Variants in PCDHA8 observed in about 807,000 individuals in gnomAD.
PCDHA8 encodes protocadherin alpha-8.
A neutral mutation model predicts 61.8 loss-of-function variants in PCDHA8; 53 were observed. That is an observed-to-expected ratio of 0.86 (90% CI 0.69 to 1.08). The LOEUF is 1.08. Among genes scored for constraint, PCDHA8 ranks in the 50% least tolerant of loss-of-function variants. The pLI is 0.00. For synonymous variants in PCDHA8, 618 were observed against 556.6 expected (o/e 1.11, Z -1.55); for missense variants, 1,293 against 1,245.0 (o/e 1.04, Z -0.58).
intron 3 of PCDHA8, among the ~76,000 whole-genome samples, chr5:141,005,795 C>G (rs2098239997): frequency 8.0e-6 from 1 of 124,778 alleles, no homozygotes; most frequent in Admixed American, 8.1e-5. Context: ...GAGGCAAAAA[C>G]AACTCCAAGG....
chr5:140,997,781 C>T (rs1207024588), intron 3 of PCDHA8, among the ~76,000 whole-genome samples: 3 of 151,626 alleles, frequency 2.0e-5, no homozygotes, highest in African/African-American at 7.3e-5. Flanking sequence ...TGTTGTATAC[C>T]TATATTATAA....
chr5:140,933,677 T>C (rs1024721491), intron 1 of PCDHA8, among the ~76,000 whole-genome samples: 1 of 151,826 alleles, frequency 6.6e-6, no homozygotes, highest in Non-Finnish European at 1.5e-5. Flanking sequence ...CTCTCTCACA[T>C]TTTTTTTCCT....
intron 1 of PCDHA8, among the ~76,000 whole-genome samples, chr5:140,918,282 C>CT (rs1554198523): frequency 6.6e-6 from 1 of 152,016 alleles, no homozygotes; most frequent in African/African-American, 2.4e-5. Context: ...GATGTAGGAG[C>CT]TTTTTGGCAG....
chr5:140,969,613 T>C (rs2096347317), intron 1 of PCDHA8: 2 of 727,588 alleles, frequency 2.7e-6, no homozygotes, highest in African/African-American at 1.8e-5. Flanking sequence ...AAACACAGAT[T>C]TGTAGAGAAA....
intron 1 of PCDHA8, among the ~76,000 whole-genome samples, chr5:140,894,543 T>C (rs782418710): frequency 2.6e-5 from 4 of 152,088 alleles, no homozygotes; most frequent in Non-Finnish European, 4.4e-5. Flanking sequence ...TCTGGTTTAG[T>C]GTTTACTTCT....
At chr5:140,881,507 C>A in intron 1 of PCDHA8, 1 of 231,112 alleles carries the variant, frequency 4.3e-6, no homozygotes, top group Non-Finnish European at 7.1e-6. Context: ...CACACACTCA[C>A]ATACAAAATC....
At chr5:140,877,511 C>G in intron 1 of PCDHA8, 1 of 1,613,808 alleles carries the variant, frequency 6.2e-7, no homozygotes, top group South Asian at 1.1e-5. Context: ...AAGACGTCGT[C>G]GCGGGCCTCA....
At position 141,010,536 on chromosome 5, in the gene PCDHA8, T is replaced by A; in HGVS notation, c.*599T>A. On this transcript the variant is annotated 3_prime_UTR_variant, in exon 4 of 4. Transcript: ENST00000531613. ...AACTCAAGAGGTGGCAGCCACCCTC[T>A]AGGAGACAAAACTACCCCCACTGAC... 1 of 381,624 alleles carries A rather than the reference T, an allele frequency of 2.6e-6. No homozygotes were observed. The highest frequency in any genetic ancestry group is 4.6e-6 in the Non-Finnish European group (1 of 218,036). 23.6% of individuals were successfully genotyped at this position (381,624 alleles called of 1,614,324 possible).
At chr5:140,915,258 A>T (rs2077046977) in intron 1 of PCDHA8, among the ~76,000 whole-genome samples, 1 of 151,928 alleles carries the variant, frequency 6.6e-6, no homozygotes, top group South Asian at 2.1e-4. Context: ...GGTTGTTATT[A>T]TTTTTGACCA....
intron 1 of PCDHA8, among the ~76,000 whole-genome samples, chr5:140,936,910 G>A (rs1221304306): frequency 6.6e-6 from 1 of 152,062 alleles, no homozygotes; most frequent in African/African-American, 2.4e-5. Context: ...TATTGAATCT[G>A]TAGAAAATAT....
intron 1 of PCDHA8, chr5:140,852,198 T>G (rs2150513327): frequency 1.4e-6 from 1 of 691,814 alleles, no homozygotes; most frequent in Non-Finnish European, 1.8e-6. Context: ...CCAGTAACGT[T>G]TATTTAAAAC....
At chr5:140,882,768 C>CA in intron 1 of PCDHA8, 1 of 1,614,222 alleles carries the variant, frequency 6.2e-7, no homozygotes, top group Non-Finnish European at 8.5e-7. Flanking sequence ...GTAAACTCGG[C>CA]ATTGACCTAC....
At chr5:140,881,523 C>T in intron 1 of PCDHA8, 1 of 194,568 alleles carries the variant, frequency 5.1e-6, no homozygotes, top group Non-Finnish European at 9.4e-6. Context: ...AAATCCCACA[C>T]ATATTGACTG....
chr5:140,870,005 T>A lies in PCDHA8; in HGVS notation c.2394+26290T>A, dbSNP rs1006397532. 1 of 1,612,940 alleles carries A rather than the reference T, an allele frequency of 6.2e-7. No individual in the cohort carries two copies. The highest frequency in any genetic ancestry group is 1.7e-5 in the Admixed American group (1 of 59,888). The stretch of plus-strand genomic sequence containing the variant: ...ACACTAGATCAAAATAATGGAGAAG[T>A]GAGGGTCAATGGAACTTTAGATTAT... On this transcript the variant is annotated intron_variant, in intron 1 of 3. Coordinates refer to ENST00000531613, the MANE Select transcript of PCDHA8 (RefSeq NM_018911.3).
intron 1 of PCDHA8, among the ~76,000 whole-genome samples, chr5:140,949,544 T>C (rs981428881): frequency 5.3e-5 from 8 of 151,908 alleles, no homozygotes; most frequent in Non-Finnish European, 1.2e-4. Flanking sequence ...TATCGATTTG[T>C]TGCTGGTCAT....
chr5:140,852,181 G>A, intron 1 of PCDHA8: 3 of 755,216 alleles, frequency 4.0e-6, no homozygotes, highest in Non-Finnish European at 5.0e-6. Flanking sequence ...AAATAACTAT[G>A]AAAATGCCAG....
chr5:140,974,146 A>G (rs1208366709), intron 1 of PCDHA8, among the ~76,000 whole-genome samples: 1 of 152,260 alleles, frequency 6.6e-6, no homozygotes, highest in Non-Finnish European at 1.5e-5. Context: ...TGAAAACTAT[A>G]CAAGGGTTTT....
chr5:140,879,806 T>C (rs2058125905), intron 1 of PCDHA8, among the ~76,000 whole-genome samples: 1 of 152,250 alleles, frequency 6.6e-6, no homozygotes, highest in Non-Finnish European at 1.5e-5. Context: ...CCAGTTTCTA[T>C]TGGCTGTTGG....
intron 1 of PCDHA8, chr5:140,870,676 G>A (rs561705674): frequency 1.9e-6 from 3 of 1,612,702 alleles, no homozygotes; most frequent in African/African-American, 1.3e-5. Flanking sequence ...GTTGGACCAC[G>A]AGGAGCTGGA....
Sources: allele counts gnomAD v4.1 joint callset (sites outside exome capture counted in the v4.1 genomes callset), GRCh38; gene constraint gnomAD v4.1.1; transcripts MANE v1.5; gene names NCBI Gene and HGNC (gene_info 2026-07-23, HGNC 2026-07-21).